Variants in UACA observed in about 807,000 individuals in gnomAD.
UACA encodes nuclear membrane binding protein.
Under a neutral mutation model 160.5 loss-of-function variants are expected in UACA, and 112 were observed. The observed-to-expected ratio is 0.70, with a 90% CI of 0.60 to 0.82. UACA has a LOEUF of 0.82. Ranked by LOEUF, UACA falls within the 40% of genes least tolerant of loss-of-function variation. The pLI is 0.00. For missense variants in UACA, 1,574 were observed against 1,614.6 expected (o/e 0.97, Z 0.43); for synonymous variants, 557 against 568.4 (o/e 0.98, Z 0.29).
At chr15:70,720,529 C>T (rs79549549) in intron 1 of UACA, among the ~76,000 whole-genome samples, 5,446 of 152,222 alleles carry the variant, frequency 0.036, 160 homozygotes, top group Middle Eastern at 0.092. Flanking sequence ...TGTTCCACTA[C>T]TGGGAGAGAT....
rs760408838 is a variant in UACA, at chr15:70,668,502, G to C, written c.2182C>G (p.Leu728Val). Reference protein sequence around the residue: ...EIEKVYLDNKLLKEQAHNLTI... With the variant: ...EIEKVYLDNKVLKEQAHNLTI... ...AAGTTATGTGCTTGCTCCTTGAGGA[G>C]CTTATTATCCAAATAAACTTTTTCA... The change falls in exon 16 of 19, where the codon CTC becomes GTC. Residue 728 changes from leucine (L) to valine (V), a missense_variant. Leu to Val is a conservative substitution (Grantham distance 32, BLOSUM62 1). Coordinates refer to ENST00000322954, the MANE Select transcript of UACA (RefSeq NM_018003.4). 6.2e-7 allele frequency: 1 copy of C among 1,611,130 alleles called. No individual in the cohort carries two copies. The highest frequency in any genetic ancestry group is 8.5e-7 in the Non-Finnish European group (1 of 1,179,586).
chr15:70,762,052 A>T (rs182155858), intron 1 of UACA, among the ~76,000 whole-genome samples: 52 of 149,360 alleles, frequency 3.5e-4, no homozygotes, highest in Admixed American at 4.7e-4. Context: ...TACTTTTTTT[A>T]AAAAAAAAAG....
chr15:70,763,552 C>T lies in UACA; in HGVS notation c.-145G>A, dbSNP rs903561736. 1 of 1,242,026 alleles carries T rather than the reference C, an allele frequency of 8.1e-7. No individual in the cohort carries two copies. The highest frequency in any genetic ancestry group is 1.0e-6 in the Non-Finnish European group (1 of 990,288). 76.9% of individuals were successfully genotyped at this position (1,242,026 alleles called of 1,614,324 possible). A position where few individuals can be genotyped will look rare whatever the true frequency, so the allele number is the denominator to read the frequency against. On this transcript the variant is annotated 5_prime_UTR_variant, in exon 1 of 19. Transcript: ENST00000322954. ...CCACCTGCGGGCCCCGGGCAGCAGA[C>T]GTCGACAGGCCTGAGGCGGGGCTCC...
intron 13 of UACA, among the ~76,000 whole-genome samples, chr15:70,674,721 C>T (rs1292007817): frequency 2.0e-5 from 3 of 152,148 alleles, no homozygotes; most frequent in African/African-American, 7.2e-5. Context: ...CTTCAGCCTC[C>T]TGAGTAGCTG....
At chr15:70,674,381 C>T (rs924477270) in intron 13 of UACA, among the ~76,000 whole-genome samples, 4 of 152,120 alleles carry the variant, frequency 2.6e-5, no homozygotes, top group Admixed American at 2.0e-4. Flanking sequence ...GTATATAACA[C>T]ACAAATTATG....
At chr15:70,773,053 A>G in the UACA span, among the ~76,000 whole-genome samples, 2 of 152,072 alleles carry the variant, frequency 1.3e-5, no homozygotes, top group Non-Finnish European at 2.9e-5. Flanking sequence ...CTCAAAAAAA[A>G]AAAAAGAAAA....
intron 9 of UACA, among the ~76,000 whole-genome samples, chr15:70,682,410 G>C (rs75574500): frequency 6.6e-6 from 1 of 152,144 alleles, no homozygotes; most frequent in Non-Finnish European, 1.5e-5. Context: ...TATTAAGGGA[G>C]ACTGGGGGAA....
intron 17 of UACA, among the ~76,000 whole-genome samples, chr15:70,662,884 T>C (rs958257183): frequency 0.017 from 2,532 of 151,970 alleles, 63 homozygotes; most frequent in African/African-American, 0.059. Flanking sequence ...AAGACTTAAA[T>C]GTTATACCTA....
chr15:70,775,390 C>T, the UACA span, among the ~76,000 whole-genome samples: 1 of 152,180 alleles, frequency 6.6e-6, no homozygotes, highest in Non-Finnish European at 1.5e-5. Flanking sequence ...AATATGAACC[C>T]TCTGGCACCA....
the UACA span, among the ~76,000 whole-genome samples, chr15:70,774,370 C>A: frequency 6.6e-6 from 1 of 151,886 alleles, no homozygotes; most frequent in Non-Finnish European, 1.5e-5. Flanking sequence ...CATGGTGAAA[C>A]CCCGTCTCTA....
upstream of UACA, among the ~76,000 whole-genome samples, chr15:70,763,776 C>T (rs2030925978): frequency 1.3e-5 from 2 of 152,238 alleles, no homozygotes; most frequent in Admixed American, 6.5e-5. Flanking sequence ...GCGCGCAGGC[C>T]GGGCTCCAGG....
At chr15:70,769,118 G>A in the UACA span, among the ~76,000 whole-genome samples, 1 of 151,968 alleles carries the variant, frequency 6.6e-6, no homozygotes, top group Non-Finnish European at 1.5e-5. Flanking sequence ...CAGCACTTTG[G>A]GAGGCCGAGG....
At chr15:70,729,473 G>A (rs992388838) in intron 1 of UACA, among the ~76,000 whole-genome samples, 1 of 152,094 alleles carries the variant, frequency 6.6e-6, no homozygotes, top group Non-Finnish European at 1.5e-5. Context: ...TTACCAGTGG[G>A]AACTAAACAC....
chr15:70,674,277 A>G (rs76077054), intron 13 of UACA, among the ~76,000 whole-genome samples: 68 of 152,280 alleles, frequency 4.5e-4, no homozygotes, highest in African/African-American at 1.6e-3. Flanking sequence ...TTTCATCACA[A>G]TGAATACGTA....
At chr15:70,756,797 C>T (rs1241169044) in intron 1 of UACA, among the ~76,000 whole-genome samples, 4 of 152,094 alleles carry the variant, frequency 2.6e-5, no homozygotes, top group South Asian at 2.1e-4. Flanking sequence ...CACTTGAACC[C>T]GGGAGGCGGA....
intron 1 of UACA, among the ~76,000 whole-genome samples, chr15:70,735,744 T>C (rs141818706): frequency 1.3e-5 from 2 of 152,310 alleles, no homozygotes; most frequent in African/African-American, 4.8e-5. Context: ...GGTGCAATCA[T>C]GACTCTCTGC....
intron 1 of UACA, among the ~76,000 whole-genome samples, chr15:70,711,610 C>A (rs1398466986): frequency 6.6e-6 from 1 of 152,028 alleles, no homozygotes; most frequent in Non-Finnish European, 1.5e-5. Flanking sequence ...TAGTGCCAAG[C>A]CCCATTTACA....
chr15:70,665,464 G>T (rs1173705651), intron 16 of UACA, among the ~76,000 whole-genome samples: 1 of 152,180 alleles, frequency 6.6e-6, no homozygotes, highest in East Asian at 1.9e-4. Context: ...AATCAGGTTG[G>T]GCACAGTGGC....
chr15:70,691,832 T>G, intron 3 of UACA, among the ~76,000 whole-genome samples: 1 of 152,342 alleles, frequency 6.6e-6, no homozygotes, highest in Non-Finnish European at 1.5e-5. Context: ...CTTAACTGAT[T>G]TTTCATGCTT....
Sources: gnomAD v4.1 joint callset for allele counts (sites outside exome capture counted in the v4.1 genomes callset) on GRCh38, gnomAD v4.1.1 for gene constraint, MANE v1.5 for transcripts, NCBI Gene and HGNC (gene_info 2026-07-23, HGNC 2026-07-21) for gene names.